The following KMT5B variants were observed in gnomAD, a reference collection of about 807,000 sequenced individuals.
The protein encoded by KMT5B is histone-lysine N-methyltransferase KMT5B.
Under a neutral mutation model 83.2 loss-of-function variants are expected in KMT5B, and 10 were observed. That is an observed-to-expected ratio of 0.12 (90% CI 0.07 to 0.20). The LOEUF is 0.20. Among genes scored for constraint, KMT5B ranks in the 10% least tolerant of loss-of-function variants. The pLI, the probability that KMT5B is intolerant of heterozygous loss-of-function variation, is 1.00. For synonymous variants in KMT5B, 349 were observed against 388.8 expected (o/e 0.90, Z 1.20); for missense variants, 753 against 1,067.2 (o/e 0.71, Z 4.10).
intron 1 of KMT5B, among the ~76,000 whole-genome samples, chr11:68,200,743 G>A (rs1015628246): frequency 6.6e-6 from 1 of 152,206 alleles, no homozygotes; most frequent in African/African-American, 2.4e-5. Flanking sequence ...TAATACAGAT[G>A]ATCTGAGTAG....
chr11:68,203,191 G>C (rs779064575), intron 1 of KMT5B, among the ~76,000 whole-genome samples: 2 of 151,950 alleles, frequency 1.3e-5, no homozygotes, highest in Admixed American at 6.6e-5. Flanking sequence ...GGTCAGGCTG[G>C]TCTCGAACTC....
Position 68,171,415 on chromosome 11 carries a change from G to T in KMT5B, c.820+128C>A. On this transcript the variant is annotated intron_variant, in intron 7 of 10. Transcript: ENST00000304363. This position sits in a 1 kb window ranked among gnomAD's most constrained non-coding sequence, Gnocchi z 5.1. ...AATATACATTTATTTTAATAAGTTTGTGGAAACATTTCTATTTCAAATTCT... is the reference window on the plus strand; with the variant it reads ...AATATACATTTATTTTAATAAGTTTTTGGAAACATTTCTATTTCAAATTCT... The T allele has an allele frequency of 7.8e-7, 1 of 1,284,024 alleles. No individual in the cohort carries two copies. Among genetic ancestry groups the T allele is most frequent in the Non-Finnish European group, 1.1e-6 (1 of 927,050 alleles). The allele number at this position is 1,284,024 out of a possible 1,614,324, so 79.5% of individuals were successfully genotyped here.
At chr11:68,159,254 T>C in intron 10 of KMT5B, 83 bp from the exon 11 acceptor site, 2 of 1,487,804 alleles carry the variant, frequency 1.3e-6, no homozygotes, top group Non-Finnish European at 1.8e-6. Flanking sequence ...GGCTATTAGC[T>C]ACAGCACGTT....
chr11:68,209,549 G>T (rs1249889657), intron 1 of KMT5B, among the ~76,000 whole-genome samples: 1 of 152,168 alleles, frequency 6.6e-6, no homozygotes, highest in African/African-American at 2.4e-5. Context: ...TCCTATAAAG[G>T]TGGCACAAGG....
intron 3 of KMT5B, among the ~76,000 whole-genome samples, chr11:68,185,268 C>T (rs1038156946): frequency 1.3e-5 from 2 of 152,086 alleles, no homozygotes; most frequent in East Asian, 1.9e-4. Flanking sequence ...TGCAATGGCA[C>T]GATCTCGGCT....
chr11:68,170,761 G>C (rs143291560), intron 9 of KMT5B, among the ~76,000 whole-genome samples: 2 of 152,240 alleles, frequency 1.3e-5, no homozygotes, highest in East Asian at 3.9e-4. Context: ...AAGCACATCT[G>C]TATTCTGGCC....
intron 2 of KMT5B, among the ~76,000 whole-genome samples, chr11:68,186,495 T>A (rs771389324): frequency 6.6e-6 from 1 of 152,104 alleles, no homozygotes; most frequent in Non-Finnish European, 1.5e-5. Context: ...AGCTGGGCAG[T>A]AGAAGTGGGG....
intron 2 of KMT5B, among the ~76,000 whole-genome samples, chr11:68,186,542 T>C (rs1857454142): frequency 6.6e-6 from 1 of 152,246 alleles, no homozygotes; most frequent in Admixed American, 6.5e-5. Flanking sequence ...CTATTTCTAC[T>C]GACCTCTGTT....
At chr11:68,176,800 C>T (rs1001822745) in intron 4 of KMT5B, 1 of 151,864 alleles carries the variant, frequency 6.6e-6, no homozygotes, top group Non-Finnish European at 1.5e-5. Flanking sequence ...CAAAACAAAA[C>T]GTCCAACAGA....
intron 10 of KMT5B, among the ~76,000 whole-genome samples, chr11:68,160,884 T>C (rs1854800425): frequency 6.6e-6 from 1 of 152,122 alleles, no homozygotes; most frequent in South Asian, 2.1e-4. Flanking sequence ...GAGGCAGAGT[T>C]TGCAGTGAGC....
At chr11:68,190,851 C>CAT (rs2153073135) in intron 1 of KMT5B, among the ~76,000 whole-genome samples, 1 of 152,256 alleles carries the variant, frequency 6.6e-6, no homozygotes, top group East Asian at 1.9e-4. Context: ...GGCATAGTGG[C>CAT]ATGAGCCTGT....
intron 1 of KMT5B, among the ~76,000 whole-genome samples, chr11:68,192,217 G>T (rs563561803): frequency 6.6e-6 from 1 of 152,134 alleles, no homozygotes; most frequent in African/African-American, 2.4e-5. Context: ...ATATCTGCAC[G>T]ATAACAAAAT....
At chr11:68,182,925 C>T (rs1253042041) in intron 3 of KMT5B, among the ~76,000 whole-genome samples, 1 of 151,626 alleles carries the variant, frequency 6.6e-6, no homozygotes, top group Non-Finnish European at 1.5e-5. Flanking sequence ...TTAGTAGAGA[C>T]GGGGTTTTCC....
intron 2 of KMT5B, among the ~76,000 whole-genome samples, chr11:68,186,538 C>T (rs942418663): frequency 2.0e-5 from 3 of 152,202 alleles, no homozygotes; most frequent in South Asian, 4.1e-4. Flanking sequence ...AGACCTATTT[C>T]TACTGACCTC....
intron 3 of KMT5B, among the ~76,000 whole-genome samples, chr11:68,183,111 T>G (rs1857104522): frequency 6.6e-6 from 1 of 152,006 alleles, no homozygotes; most frequent in Admixed American, 6.6e-5. Flanking sequence ...ATAACTTTCT[T>G]GATGACCCCA....
chr11:68,197,256 A>G (rs1379282395), intron 1 of KMT5B, among the ~76,000 whole-genome samples: 1 of 152,150 alleles, frequency 6.6e-6, no homozygotes, highest in Non-Finnish European at 1.5e-5. Context: ...TACAGGCGTG[A>G]GCCACCACGC....
chr11:68,163,272 G>A (rs1272032022), intron 10 of KMT5B, among the ~76,000 whole-genome samples: 2 of 152,202 alleles, frequency 1.3e-5, no homozygotes, highest in South Asian at 4.1e-4. Context: ...AATGAACGCC[G>A]TTGGAAGGGA....
At position 68,171,905 on chromosome 11, in the gene KMT5B, T is replaced by C. The variant is rs920667763; in HGVS notation, c.654-196A>G. 3.3e-5 allele frequency among the ~76,000 whole-genome samples: 5 copies of C among 152,318 alleles called. No individual in the cohort carries two copies. The East Asian group carries it at 9.6e-4, about 29-fold the overall frequency. On this transcript the variant is annotated intron_variant, in intron 6 of 10. Transcript: ENST00000304363. This position sits in a 1 kb window ranked among gnomAD's most constrained non-coding sequence, Gnocchi z 5.1. ...CTCCACAGCCTTGTGCCATGGTTAC[T>C]TGTGTACCTATCTTATTCCTGCAAG...
intron 10 of KMT5B, chr11:68,165,829 C>T (rs963612767): frequency 6.2e-7 from 1 of 1,610,524 alleles, no homozygotes; most frequent in African/African-American, 1.3e-5. Flanking sequence ...GGCTACAGCG[C>T]TGCTTTTATG....
Sources: gnomAD v4.1 joint callset for allele counts (sites outside exome capture counted in the v4.1 genomes callset) on GRCh38, gnomAD v4.1.1 for gene constraint, Gnocchi (gnomAD v3.1) non-coding constraint, MANE v1.5 for transcripts, NCBI Gene and HGNC (gene_info 2026-07-23, HGNC 2026-07-21) for gene names.